Variants in C1orf105 observed in about 807,000 individuals in gnomAD.
C1orf105 encodes uncharacterized protein C1orf105.
Under a neutral mutation model 20.8 loss-of-function variants are expected in C1orf105, and 17 were observed. That is an observed-to-expected ratio of 0.82 (90% CI 0.56 to 1.23). C1orf105 has a LOEUF of 1.23. Among genes scored for constraint, C1orf105 ranks in the 50% most tolerant of loss-of-function variants. The pLI is 0.00. For synonymous variants in C1orf105, 72 were observed against 72.1 expected, an observed-to-expected ratio of 1.00 and a Z score of 0.01; for missense variants, 219 against 213.5, an observed-to-expected ratio of 1.03 and a Z score of -0.16.
rs1187635000 is a variant in C1orf105, at chr1:172,456,402, T to C, written c.199-13T>C. The C allele has an allele frequency of 6.2e-7, 1 of 1,610,884 alleles. No individual in the cohort carries two copies. Among genetic ancestry groups the C allele is most frequent in the African/African-American group, 1.3e-5 (1 of 75,014 alleles). On this transcript the variant is annotated splice_polypyrimidine_tract_variant and intron_variant, in intron 3 of 6. Coordinates refer to ENST00000367727, the MANE Select transcript of C1orf105 (RefSeq NM_139240.4). ...CCATTTCCTCACCTCTCTCTGTCTCTCTTTCCCCTCAGGCCAGGAGGAACC... is the reference window on the plus strand; with the variant it reads ...CCATTTCCTCACCTCTCTCTGTCTCCCTTTCCCCTCAGGCCAGGAGGAACC...
At chr1:172,464,678 T>C (rs1175677492) in intron 5 of C1orf105, among the ~76,000 whole-genome samples, 1 of 151,966 alleles carries the variant, frequency 6.6e-6, no homozygotes, top group East Asian at 1.9e-4. Flanking sequence ...GAAGAACTCT[T>C]TCCTTTATTC....
rs772720219 is a variant in C1orf105 at position 172,448,581 on chromosome 1, CAT to C, written c.198+52_198+53del. On this transcript the variant is annotated intron_variant, in intron 3 of 6. Transcript: ENST00000367727. ...GAAACCAACAGCAGTTCTAGAATGA[CAT>C]AGAATATGAATACATGTCCCATCTC... 9 of 1,052,784 alleles carry C rather than the reference CAT, an allele frequency of 8.5e-6. No homozygotes were observed. The African/African-American group carries it at 1.1e-4, about 13-fold the overall frequency. 65.2% of individuals were successfully genotyped at this position (1,052,784 alleles called of 1,614,324 possible).
chr1:172,440,066 T>G (rs558240863), intron 1 of C1orf105, among the ~76,000 whole-genome samples: 21 of 152,344 alleles, frequency 1.4e-4, no homozygotes, highest in African/African-American at 5.0e-4. Flanking sequence ...AAAACTCTGA[T>G]AAAGAATGTG....
At chr1:172,430,197 G>T in intron 1 of C1orf105, 1 of 574,682 alleles carries the variant, frequency 1.7e-6, no homozygotes, top group Non-Finnish European at 3.1e-6. Flanking sequence ...TTTCAGTGTG[G>T]TTTAAATATA....
intron 2 of C1orf105, among the ~76,000 whole-genome samples, chr1:172,447,203 A>G (rs1459961015): frequency 2.6e-5 from 4 of 152,222 alleles, no homozygotes; most frequent in Non-Finnish European, 5.9e-5. Flanking sequence ...TAAGCATTAC[A>G]TACCCTTGAG....
At position 172,428,116 on chromosome 1, in the gene C1orf105, C is replaced by T. The variant is rs146572322; in HGVS notation, c.21+7210C>T. ...TCAGGGGAAAAACCTTAATTTATAACTCTTCTCTTTCTTTCACACTCTACA... is the reference window on the plus strand; with the variant it reads ...TCAGGGGAAAAACCTTAATTTATAATTCTTCTCTTTCTTTCACACTCTACA... On this transcript the variant is annotated intron_variant, in intron 1 of 6. Coordinates refer to ENST00000367727, the MANE Select transcript of C1orf105 (RefSeq NM_139240.4). Among the ~76,000 whole-genome samples the T allele has an allele frequency of 3.3e-5, 5 of 152,274 alleles. No individual in the cohort carries two copies. In the East Asian group the frequency reaches 9.6e-4, roughly 29 times the overall value.
At chr1:172,448,692 A>G (rs1648285829) in intron 3 of C1orf105, among the ~76,000 whole-genome samples, 161 bp downstream of exon 3, 1 of 152,050 alleles carries the variant, frequency 6.6e-6, no homozygotes, top group Admixed American at 6.6e-5. Flanking sequence ...CCCCCTCACT[A>G]TGTCTCAAGT....
intron 1 of C1orf105, among the ~76,000 whole-genome samples, chr1:172,426,352 T>A (rs548730971): frequency 6.6e-6 from 1 of 152,306 alleles, no homozygotes; most frequent in East Asian, 1.9e-4. Flanking sequence ...CCTCATGGCA[T>A]CAGATTACAG....
At chr1:172,445,020 T>C (rs1647814701) in intron 1 of C1orf105, 53 bp from the exon 2 acceptor site, 6 of 1,431,328 alleles carry the variant, frequency 4.2e-6, no homozygotes, top group Non-Finnish European at 5.9e-6. Flanking sequence ...ATCGTAATGA[T>C]AGCAATGTTT....
chr1:172,458,630 C>T (rs1485976346), intron 4 of C1orf105, among the ~76,000 whole-genome samples: 2 of 152,182 alleles, frequency 1.3e-5, no homozygotes, highest in Admixed American at 6.5e-5. Flanking sequence ...CTCCGCCAAA[C>T]TGATCTACAT....
At chr1:172,431,909 T>C (rs1262551738) in intron 1 of C1orf105, among the ~76,000 whole-genome samples, 1 of 152,146 alleles carries the variant, frequency 6.6e-6, no homozygotes, top group Non-Finnish European at 1.5e-5. Context: ...TTTCCCAAGG[T>C]CTTAGCAACC....
intron 2 of C1orf105, among the ~76,000 whole-genome samples, chr1:172,446,028 G>A (rs1647962622): frequency 6.6e-6 from 1 of 152,044 alleles, no homozygotes; most frequent in Admixed American, 6.5e-5. Context: ...TCCCATCACT[G>A]TCTCCACATC....
intron 1 of C1orf105, chr1:172,441,922 A>G: frequency 1.2e-6 from 2 of 1,614,218 alleles, no homozygotes; most frequent in Non-Finnish European, 1.7e-6. Flanking sequence ...AAATGCAAAA[A>G]GCAGTGTGAC....
chr1:172,442,101 G>C (rs1265107347), intron 1 of C1orf105: 4 of 1,614,186 alleles, frequency 2.5e-6, no homozygotes, highest in Non-Finnish European at 3.4e-6. Flanking sequence ...ATAGTGTGCT[G>C]GATACAATGG....
At position 172,444,802 on chromosome 1, in the gene C1orf105, T is replaced by C. The variant is rs192616747; in HGVS notation, c.22-271T>C. 2.1e-4 allele frequency among the ~76,000 whole-genome samples: 32 copies of C among 152,288 alleles called. 1 individual carries two copies. The highest frequency in any genetic ancestry group is 1.8e-3 in the Admixed American group (27 of 15,300). On this transcript the variant is annotated intron_variant, in intron 1 of 6. Transcript: ENST00000367727. ...CAAAGGGATGTAGTAAAACACAGGA[T>C]ACAGTGGAAATAAAAGTCAGAAAAC...
chr1:172,437,980 T>G (rs908202172), intron 1 of C1orf105, among the ~76,000 whole-genome samples: 1 of 152,100 alleles, frequency 6.6e-6, no homozygotes, highest in Non-Finnish European at 1.5e-5. Flanking sequence ...CATTTACCAT[T>G]CTGAAAATCC....
chr1:172,445,795 G>A (rs1647929072), intron 2 of C1orf105, among the ~76,000 whole-genome samples: 1 of 152,178 alleles, frequency 6.6e-6, no homozygotes, highest in Non-Finnish European at 1.5e-5. Context: ...TAGGTGTGAG[G>A]TAGTGTTGGG....
In C1orf105 at chr1:172,420,923, T is replaced by A. The variant is rs1182720897; in HGVS notation, c.21+17T>A. On this transcript the variant is annotated intron_variant, in intron 1 of 6. Transcript: ENST00000367727. ...GAACTAAAGGTAGGAAAAAAATAAATGAAACTTCCAATTCTTTCCTTATGG... is the reference window on the plus strand; with the variant it reads ...GAACTAAAGGTAGGAAAAAAATAAAAGAAACTTCCAATTCTTTCCTTATGG... The A allele has an allele frequency of 1.9e-6, 3 of 1,597,188 alleles. No individual in the cohort carries two copies. The highest frequency in any genetic ancestry group is 2.6e-6 in the Non-Finnish European group (3 of 1,165,446).
intron 1 of C1orf105, among the ~76,000 whole-genome samples, chr1:172,437,754 TAATAAAC>T (rs1350457822): frequency 6.9e-6 from 1 of 145,932 alleles, no homozygotes; most frequent in Admixed American, 6.9e-5. Context: ...ATAATAATAA[TAATAAAC>T]AAAACGATTT....
Sources: gnomAD v4.1 joint callset for allele counts (sites outside exome capture counted in the v4.1 genomes callset) on GRCh38, gnomAD v4.1.1 for gene constraint, MANE v1.5 for transcripts, NCBI Gene and HGNC (gene_info 2026-07-23, HGNC 2026-07-21) for gene names.